Variants in PCDHGA4 observed in about 807,000 individuals in gnomAD.
PCDHGA4 encodes protocadherin gamma-A4.
A neutral mutation model predicts 54.6 loss-of-function variants in PCDHGA4; 38 were observed. The observed-to-expected ratio is 0.70, with a 90% CI of 0.54 to 0.91. The LOEUF is 0.91. PCDHGA4 is among the 40% of genes least tolerant of loss of function. The probability of loss-of-function intolerance (pLI) is 0.00; values close to 1 mark genes in which losing one functional copy is unlikely to be tolerated. For synonymous variants in PCDHGA4, 511 were observed against 512.9 expected (o/e 1.00, Z 0.05); for missense variants, 1,298 against 1,220.9 (o/e 1.06, Z -0.94).
intron 1 of PCDHGA4, chr5:141,426,750 G>A (rs1287163824): frequency 2.2e-6 from 1 of 456,160 alleles, no homozygotes; most frequent in Non-Finnish European, 4.4e-6. Context: ...CCTGGAATCT[G>A]CTATAGATGC....
chr5:141,422,853 C>T (rs746989617), intron 1 of PCDHGA4: 8 of 1,614,264 alleles, frequency 5.0e-6, no homozygotes, highest in South Asian at 3.3e-5. Flanking sequence ...GGGACCCGCC[C>T]CTCAGCAGCA....
At chr5:141,472,980 C>CAAAAAAAAAAAAAAAAAAA (rs60579131) in intron 1 of PCDHGA4, among the ~76,000 whole-genome samples, 6 of 86,104 alleles carry the variant, frequency 7.0e-5, no homozygotes, top group African/African-American at 1.2e-4. Context: ...GAGTGAAACT[C>CAAAAAAAAAAAAAAAAAAA]AAAAAAAAAA....
chr5:141,366,661 C>T (rs976652914), intron 1 of PCDHGA4: 1 of 1,614,150 alleles, frequency 6.2e-7, no homozygotes, highest in Admixed American at 1.7e-5. Flanking sequence ...ACTACGCAGA[C>T]ACGCTCCTTA....
intron 3 of PCDHGA4, among the ~76,000 whole-genome samples, chr5:141,505,698 G>A (rs1041309644): frequency 2.0e-5 from 3 of 152,280 alleles, no homozygotes; most frequent in Admixed American, 6.5e-5. Context: ...GGAGGAGAGC[G>A]AACAAGGAAA....
chr5:141,476,476 C>A lies in PCDHGA4; in HGVS notation c.2515-18331C>A. On this transcript the variant is annotated intron_variant, in intron 1 of 3. Coordinates refer to ENST00000571252, the MANE Select transcript of PCDHGA4 (RefSeq NM_018917.4). The surrounding 1 kb of genome is among the most constrained non-coding windows in gnomAD (Gnocchi z 7.6). ...TGGAGAACCCGCTGGAGCTGTTCAG[C>A]GTGGAAGTGGTGATCCAGGACATCA... 6.2e-7 allele frequency: 1 copy of A among 1,613,986 alleles called. No individual in the cohort carries two copies. The highest frequency in any genetic ancestry group is 8.5e-7 in the Non-Finnish European group (1 of 1,179,992).
intron 1 of PCDHGA4, chr5:141,418,408 A>G (rs2096253819): frequency 8.1e-6 from 13 of 1,614,032 alleles, no homozygotes; most frequent in Non-Finnish European, 1.1e-5. Flanking sequence ...TGGTGGAGAA[A>G]GACAATCCTG....
chr5:141,386,433 T>C (rs1214742071), intron 1 of PCDHGA4, among the ~76,000 whole-genome samples: 1 of 152,144 alleles, frequency 6.6e-6, no homozygotes, highest in African/African-American at 2.4e-5. Context: ...CCCACCTGCA[T>C]GGGAGGCTGA....
chr5:141,477,898 AG>A lies in PCDHGA4; in HGVS notation c.2515-16907del. The stretch of plus-strand genomic sequence containing the variant: ...CTGGCCACCTAGTGTCACGGGTGGT[AG>A]GCTGGGACGCGGATGCAGGGCACAA... On this transcript the variant is annotated intron_variant, in intron 1 of 3. Coordinates refer to ENST00000571252, the MANE Select transcript of PCDHGA4 (RefSeq NM_018917.4). The surrounding 1 kb of genome is among the most constrained non-coding windows in gnomAD (Gnocchi z 4.9). The A allele has an allele frequency of 6.2e-7, 1 of 1,614,158 alleles. No individual in the cohort carries two copies. Among genetic ancestry groups the A allele is most frequent in the Non-Finnish European group, 8.5e-7 (1 of 1,180,036 alleles).
intron 1 of PCDHGA4, chr5:141,389,933 G>T: frequency 1.9e-6 from 3 of 1,614,068 alleles, no homozygotes; most frequent in Non-Finnish European, 2.5e-6. Context: ...CTGACCTCCA[G>T]GCTGAGCTGC....
intron 1 of PCDHGA4, chr5:141,377,186 T>G (rs1773756873): frequency 6.6e-6 from 1 of 152,252 alleles, no homozygotes; most frequent in Non-Finnish European, 1.5e-5. Context: ...TGGCAAACTA[T>G]TTGTGTCTTG....
Position 141,489,216 on chromosome 5 carries a change from C to G in PCDHGA4, c.2515-5591C>G. The G allele has an allele frequency of 6.7e-7, 1 of 1,486,698 alleles. No individual in the cohort carries two copies. Among genetic ancestry groups the G allele is most frequent in the Non-Finnish European group, 9.1e-7 (1 of 1,103,260 alleles). 92.1% of individuals were successfully genotyped at this position (1,486,698 alleles called of 1,614,324 possible). ...TTGGAGACAGGACAGCACAGACTTA[C>G]TCTCCACAAAGGGACTTCTGGGTCA... On this transcript the variant is annotated intron_variant, in intron 1 of 3. Transcript: ENST00000571252. This position sits in a 1 kb window ranked among gnomAD's most constrained non-coding sequence, Gnocchi z 4.5.
chr5:141,366,906 C>A, intron 1 of PCDHGA4: 1 of 1,142,114 alleles, frequency 8.8e-7, no homozygotes, highest in South Asian at 1.7e-5. Context: ...ATGCTTTCTC[C>A]ATTTGTTTTC....
In PCDHGA4 at chr5:141,487,153, T is replaced by C; in HGVS notation, c.2515-7654T>C. The stretch of plus-strand genomic sequence containing the variant: ...GTCCACCACTCTCTACCTCTGTTAC[T>C]CTCTTAGTGTCCTTAGAGGAAGACA... On this transcript the variant is annotated intron_variant, in intron 1 of 3. Coordinates refer to ENST00000571252, the MANE Select transcript of PCDHGA4 (RefSeq NM_018917.4). This position sits in a 1 kb window ranked among gnomAD's most constrained non-coding sequence, Gnocchi z 5.0. 3 of 1,613,954 alleles carry C rather than the reference T, an allele frequency of 1.9e-6. No individual in the cohort carries two copies. Among genetic ancestry groups the C allele is most frequent in the Non-Finnish European group, 2.5e-6 (3 of 1,179,838 alleles).
chr5:141,374,484 T>C, intron 1 of PCDHGA4: 1 of 1,611,588 alleles, frequency 6.2e-7, no homozygotes. Flanking sequence ...CCCCGATTCT[T>C]AAAGGAAGAA....
At chr5:141,402,820 C>G (rs1351401631) in intron 1 of PCDHGA4, 2 of 1,288,046 alleles carry the variant, frequency 1.6e-6, no homozygotes, top group Admixed American at 5.9e-5. Flanking sequence ...CACAAACCTG[C>G]TCCCAGGCTG....
intron 1 of PCDHGA4, chr5:141,408,220 G>T: frequency 6.4e-7 from 1 of 1,558,994 alleles, no homozygotes; most frequent in Admixed American, 1.9e-5. Flanking sequence ...GGAGCTGCGC[G>T]CAGAGGCGCC....
chr5:141,432,503 G>T lies in PCDHGA4; in HGVS notation c.2515-62304G>T, dbSNP rs939325676. 8.7e-6 allele frequency: 14 copies of T among 1,613,988 alleles called. No homozygotes were observed. The highest frequency in any genetic ancestry group is 1.3e-5 in the African/African-American group (1 of 74,930). ...TGGCGTGGAGCTGGCTCCCCGCTCC[G>T]CAGAGCCCGGCTACCTGGTGACCAA... On this transcript the variant is annotated intron_variant, in intron 1 of 3. Transcript: ENST00000571252. The surrounding 1 kb of genome is among the most constrained non-coding windows in gnomAD (Gnocchi z 6.0).
chr5:141,383,455 G>A (rs1330166497), intron 1 of PCDHGA4: 1 of 1,613,936 alleles, frequency 6.2e-7, no homozygotes, highest in South Asian at 1.1e-5. Context: ...GCAAAGTGGA[G>A]ACGATGAAAC....
chr5:141,466,977 C>T (rs2099133275), intron 1 of PCDHGA4, among the ~76,000 whole-genome samples: 1 of 151,786 alleles, frequency 6.6e-6, no homozygotes. Flanking sequence ...CACAGCTCAT[C>T]ATTTACCTTT....
Sources: allele counts gnomAD v4.1 joint callset (sites outside exome capture counted in the v4.1 genomes callset), GRCh38; gene constraint gnomAD v4.1.1; non-coding constraint Gnocchi (gnomAD v3.1); transcripts MANE v1.5; gene names NCBI Gene and HGNC (gene_info 2026-07-23, HGNC 2026-07-21).